The following EFCAB6 variants were observed in gnomAD, a reference collection of about 807,000 sequenced individuals.
The protein encoded by EFCAB6 is EF-hand calcium binding domain 6.
In EFCAB6, 156 loss-of-function variants were observed where a neutral mutation model predicts 169.8. The observed-to-expected ratio is 0.92, with a 90% CI of 0.81 to 1.05. The LOEUF (loss-of-function observed/expected upper bound fraction) is 1.05. Ranked by LOEUF, EFCAB6 falls within the 50% of genes least tolerant of loss-of-function variation. The pLI is 0.00. For synonymous variants in EFCAB6, 698 were observed against 676.4 expected, an observed-to-expected ratio of 1.03 and a Z score of -0.50; for missense variants, 1,800 against 1,829.1, an observed-to-expected ratio of 0.98 and a Z score of 0.29.
chr22:43,777,641 G>A (rs1353979394), intron 3 of EFCAB6, among the ~76,000 whole-genome samples: 2 of 152,186 alleles, frequency 1.3e-5, no homozygotes, highest in Non-Finnish European at 2.9e-5. Context: ...TGCCCCCAGT[G>A]TCAGAGGGAG....
intron 26 of EFCAB6, among the ~76,000 whole-genome samples, chr22:43,560,904 C>A (rs1968076825): frequency 6.6e-6 from 1 of 152,150 alleles, no homozygotes; most frequent in Admixed American, 6.5e-5. Context: ...GGGACGGACA[C>A]AGGTGTTGCC....
At chr22:43,616,082 T>G (rs1221528522) in intron 20 of EFCAB6, among the ~76,000 whole-genome samples, 160 bp from the exon 21 acceptor site, 1 of 152,234 alleles carries the variant, frequency 6.6e-6, no homozygotes, top group East Asian at 1.9e-4. Flanking sequence ...GTCTTATTTC[T>G]CCAGCTGCAT....
chr22:43,748,781 C>T (rs1476243836), intron 6 of EFCAB6, among the ~76,000 whole-genome samples: 1 of 152,260 alleles, frequency 6.6e-6, no homozygotes, highest in East Asian at 1.9e-4. Flanking sequence ...GGAAAATGTA[C>T]AGTTTTAGGG....
At chr22:43,811,188 G>A (rs1039158182) in intron 1 of EFCAB6, among the ~76,000 whole-genome samples, 6 of 151,666 alleles carry the variant, frequency 4.0e-5, no homozygotes, top group African/African-American at 4.9e-5. Context: ...ACCGAGGCAC[G>A]AGAATCGCTT....
chr22:43,669,029 G>C lies in EFCAB6; in HGVS notation c.1657C>G (p.Gln553Glu), dbSNP rs142603983. Residue 553 changes from glutamine (Q) to glutamate (E), a missense_variant, in exon 16 of 32, where the codon CAG becomes GAG. By Grantham distance (29) the Gln-to-Glu change is conservative (BLOSUM62 2). Transcript: ENST00000262726. ...AHFIKLCSKI[Q>E]DIGSGRILYK... is the part of the protein sequence containing the mutation. ...AGGATTCTTCCTGAACCAATGTCCT[G>C]AATCTTACTGCAGAGTCTGAATTTT... 2,637 of 1,606,638 alleles carry C rather than the reference G, an allele frequency of 1.6e-3. 9 individuals carry two copies. The highest frequency in any genetic ancestry group is 9.3e-3 in the Middle Eastern group (56 of 6,044).
At chr22:43,531,112 C>A in intron 30 of EFCAB6, 148 bp from the exon 31 acceptor site, 1 of 1,071,436 alleles carries the variant, frequency 9.3e-7, no homozygotes, top group Non-Finnish European at 1.3e-6. Flanking sequence ...AGGAGGGAGC[C>A]TGCCAGAACT....
intron 2 of EFCAB6, among the ~76,000 whole-genome samples, chr22:43,793,220 A>C (rs2062374703): frequency 6.6e-6 from 1 of 152,200 alleles, no homozygotes; most frequent in South Asian, 2.1e-4. Context: ...AATTCCTCCT[A>C]ATGCCACAGA....
chr22:43,576,824 A>ACAGAG (rs1243978755), intron 25 of EFCAB6, among the ~76,000 whole-genome samples: 1 of 152,222 alleles, frequency 6.6e-6, no homozygotes, highest in East Asian at 1.9e-4. Context: ...TCCCTGTTTT[A>ACAGAG]CAGAGCAGAG....
chr22:43,775,185 G>A (rs1211338884), intron 3 of EFCAB6, among the ~76,000 whole-genome samples: 1 of 152,116 alleles, frequency 6.6e-6, no homozygotes, highest in African/African-American at 2.4e-5. Flanking sequence ...CGTCTGGCCT[G>A]GGTGGCTGGG....
chr22:43,702,885 G>A (rs1039610972), intron 10 of EFCAB6, among the ~76,000 whole-genome samples: 5 of 152,138 alleles, frequency 3.3e-5, no homozygotes, highest in Non-Finnish European at 7.4e-5. Context: ...TATCCAAGCA[G>A]GAAAATTACC....
At chr22:43,682,345 C>T (rs1357839380) in intron 12 of EFCAB6, among the ~76,000 whole-genome samples, 1 of 152,240 alleles carries the variant, frequency 6.6e-6, no homozygotes, top group Non-Finnish European at 1.5e-5. Flanking sequence ...TCTTAACCTA[C>T]ACTGTCTGTT....
At position 43,537,434 on chromosome 22, in the gene EFCAB6, C is replaced by T; in HGVS notation, c.3991G>A (p.Glu1331Lys). ...CTGGCCACGTCCTTCTCCTTGCATTCTTTCAGGAGCTGGCGCCAGCAGCCC... is the reference window on the plus strand; with the variant it reads ...CTGGCCACGTCCTTCTCCTTGCATTTTTTCAGGAGCTGGCGCCAGCAGCCC... ...IQGCWRQLLK[E>K]CKEKDVARQG... The change falls in exon 29 of 32, where the codon GAA (glutamate) becomes AAA (lysine). Residue 1331 changes from glutamate (E) to lysine (K), a missense_variant. Transcript: ENST00000262726. This position sits in a 1 kb window ranked among gnomAD's most constrained non-coding sequence, Gnocchi z 4.3. 1 of 1,614,166 alleles carries T rather than the reference C, an allele frequency of 6.2e-7. No homozygotes were observed. Among genetic ancestry groups the T allele is most frequent in the South Asian group, 1.1e-5 (1 of 91,072 alleles).
At chr22:43,663,792 G>A (rs2148174784) in intron 17 of EFCAB6, among the ~76,000 whole-genome samples, 1 of 152,320 alleles carries the variant, frequency 6.6e-6, no homozygotes, top group East Asian at 1.9e-4. Context: ...TTGCCCTCTT[G>A]CTGCCGTGAG....
chr22:43,547,463 G>C (rs754584339), intron 27 of EFCAB6, among the ~76,000 whole-genome samples: 1 of 152,190 alleles, frequency 6.6e-6, no homozygotes, highest in Non-Finnish European at 1.5e-5. Context: ...AATCTGGCCA[G>C]GTGCAGTGGC....
intron 10 of EFCAB6, among the ~76,000 whole-genome samples, chr22:43,690,517 G>GA (rs143792481): frequency 0.46 from 61,318 of 132,572 alleles, 13,779 homozygotes; most frequent in Middle Eastern, 0.53. Flanking sequence ...CTCCGTCTCA[G>GA]AAAAAAAAAA....
At chr22:43,787,292 C>A (rs191841737) in intron 2 of EFCAB6, among the ~76,000 whole-genome samples, 14,403 of 151,664 alleles carry the variant, frequency 0.095, 754 homozygotes, top group South Asian at 0.21. Context: ...TTGCAAATGA[C>A]ATTGTTGTAT....
intron 6 of EFCAB6, among the ~76,000 whole-genome samples, chr22:43,737,391 T>G (rs1481789367): frequency 6.9e-6 from 1 of 143,922 alleles, no homozygotes; most frequent in Non-Finnish European, 1.5e-5. Flanking sequence ...CACACATATA[T>G]TCACACACAC....
At chr22:43,604,254 A>T (rs529434110) in intron 22 of EFCAB6, among the ~76,000 whole-genome samples, 1 of 152,284 alleles carries the variant, frequency 6.6e-6, no homozygotes, top group South Asian at 2.1e-4. Context: ...CAATTGCTGG[A>T]GCTGAACATG....
intron 3 of EFCAB6, among the ~76,000 whole-genome samples, chr22:43,773,870 G>C (rs897785740): frequency 1.3e-5 from 2 of 152,132 alleles, no homozygotes. Context: ...AAAATGTTTT[G>C]AGTGGTCTAA....
Sources: allele counts gnomAD v4.1 joint callset (sites outside exome capture counted in the v4.1 genomes callset), GRCh38; gene constraint gnomAD v4.1.1; non-coding constraint Gnocchi (gnomAD v3.1); transcripts MANE v1.5; gene names NCBI Gene and HGNC (gene_info 2026-07-23, HGNC 2026-07-21).